Variants in ARHGEF28 observed in about 807,000 individuals in gnomAD.
ARHGEF28 encodes 190 kDa guanine nucleotide exchange factor.
Under a neutral mutation model 206.6 loss-of-function variants are expected in ARHGEF28, and 152 were observed. That is an observed-to-expected ratio of 0.74 (90% confidence interval 0.64 to 0.84). The LOEUF (loss-of-function observed/expected upper bound fraction) is 0.84. Ranked by LOEUF, ARHGEF28 falls within the 40% of genes least tolerant of loss-of-function variation. The pLI is 0.00. For synonymous variants in ARHGEF28, 763 were observed against 776.4 expected (o/e 0.98, Z 0.29); for missense variants, 2,028 against 2,073.2 (o/e 0.98, Z 0.42).
intron 35 of ARHGEF28, among the ~76,000 whole-genome samples, chr5:73,936,541 T>C (rs1474123975): frequency 6.6e-6 from 1 of 152,194 alleles, no homozygotes; most frequent in East Asian, 1.9e-4. Context: ...TGAGCCCAAA[T>C]ACAACTGTAA....
chr5:73,892,347 C>A (rs1456562597), intron 27 of ARHGEF28, 117 bp downstream of exon 27: 6 of 1,150,580 alleles, frequency 5.2e-6, no homozygotes, highest in African/African-American at 1.6e-5. Context: ...TGCCCCCTGC[C>A]CCCTGCACCT....
intron 29 of ARHGEF28, among the ~76,000 whole-genome samples, 180 bp from the exon 30 acceptor site, chr5:73,897,782 G>A (rs1290111570): frequency 6.6e-6 from 1 of 152,222 alleles, no homozygotes; most frequent in Non-Finnish European, 1.5e-5. Context: ...TGTGTGGTGT[G>A]CGCGCGTGCG....
chr5:73,762,775 C>A (rs1752678631), intron 4 of ARHGEF28, among the ~76,000 whole-genome samples: 1 of 152,004 alleles, frequency 6.6e-6, no homozygotes, highest in Admixed American at 6.6e-5. Context: ...TTCAAGCCAT[C>A]CTTTGTATAA....
intron 2 of ARHGEF28, among the ~76,000 whole-genome samples, chr5:73,743,895 A>G (rs550688051): frequency 1.5e-3 from 225 of 152,290 alleles, no homozygotes; most frequent in Middle Eastern, 6.8e-3. Context: ...TAAGTCACTA[A>G]ATATTCGTGC....
At chr5:73,671,693 A>ATT in intron 1 of ARHGEF28, among the ~76,000 whole-genome samples, 2 of 89,060 alleles carry the variant, frequency 2.2e-5, no homozygotes, top group Admixed American at 1.5e-4. Context: ...ATTGAACTTG[A>ATT]TTATATATAT....
In ARHGEF28 at chr5:73,685,726, G is replaced by A. The variant is rs535706681; in HGVS notation, c.33+842G>A. The stretch of plus-strand genomic sequence containing the variant: ...CAAACTCCGCCTCCCAGGTTCAAGC[G>A]ATTCCCCTGCCTCAGCCTCCCAAGT... On this transcript the variant is annotated intron_variant, in intron 2 of 35. Coordinates refer to ENST00000513042, the MANE Select transcript of ARHGEF28 (RefSeq NM_001177693.2). Among the ~76,000 whole-genome samples, 27 of 152,190 alleles carry A rather than the reference G, an allele frequency of 1.8e-4. No homozygotes were observed. In the South Asian group the frequency reaches 5.4e-3, roughly 30 times the overall value.
chr5:73,941,220 C>A lies in ARHGEF28; in HGVS notation c.*207C>A, dbSNP rs944796226. On this transcript the variant is annotated 3_prime_UTR_variant, in exon 36 of 36. Coordinates refer to ENST00000513042, the MANE Select transcript of ARHGEF28 (RefSeq NM_001177693.2). ...TTGTATAATCTTTAACTTATCAAAT[C>A]TAATTTCAGATTTCTGGAGGAGAAA... 7 of 303,546 alleles carry A rather than the reference C, an allele frequency of 2.3e-5. No homozygotes were observed. The highest frequency in any genetic ancestry group is 1.5e-4 in the African/African-American group (7 of 46,052). The allele number at this position is 303,546 out of a possible 1,614,324, so 18.8% of individuals were successfully genotyped here. A position where few individuals can be genotyped will look rare whatever the true frequency, so the allele number is the denominator to read the frequency against.
chr5:73,866,073 C>A, intron 18 of ARHGEF28, 60 bp downstream of exon 18: 1 of 1,297,616 alleles, frequency 7.7e-7, no homozygotes. Context: ...ATACATTTTT[C>A]CATTATAAAA....
intron 1 of ARHGEF28, among the ~76,000 whole-genome samples, chr5:73,684,377 T>C (rs940889017): frequency 1.3e-5 from 2 of 152,246 alleles, no homozygotes; most frequent in Non-Finnish European, 2.9e-5. Flanking sequence ...TCTTTAAGGC[T>C]CATTCGTGTT....
At chr5:73,683,805 T>A (rs1392461465) in intron 1 of ARHGEF28, among the ~76,000 whole-genome samples, 5 of 152,212 alleles carry the variant, frequency 3.3e-5, no homozygotes, top group Non-Finnish European at 7.3e-5. Context: ...AAGTGGACTC[T>A]GACTTTGGAA....
At chr5:73,707,113 G>A (rs532219640) in intron 2 of ARHGEF28, among the ~76,000 whole-genome samples, 1 of 152,150 alleles carries the variant, frequency 6.6e-6, no homozygotes, top group Non-Finnish European at 1.5e-5. Context: ...CCCTTGGACT[G>A]TGTGGCTGCC....
chr5:73,842,797 A>G (rs1758065678), intron 11 of ARHGEF28, among the ~76,000 whole-genome samples: 1 of 152,130 alleles, frequency 6.6e-6, no homozygotes, highest in African/African-American at 2.4e-5. Context: ...TAGGCGGCCA[A>G]CACGGTGAAA....
At chr5:73,903,995 C>A (rs1219888055) in intron 31 of ARHGEF28, 3 of 538,896 alleles carry the variant, frequency 5.6e-6, no homozygotes, top group Non-Finnish European at 9.8e-6. Context: ...GTGAAAATTG[C>A]CATCCATCTC....
chr5:73,783,397 TGC>T (rs753539340), intron 7 of ARHGEF28, among the ~76,000 whole-genome samples: 3 of 150,680 alleles, frequency 2.0e-5, no homozygotes, highest in Non-Finnish European at 3.0e-5. Flanking sequence ...TGTGTGTGTG[TGC>T]GCGCTTCTGT....
chr5:73,861,303 A>G (rs1759386212), intron 16 of ARHGEF28, among the ~76,000 whole-genome samples: 1 of 152,056 alleles, frequency 6.6e-6, no homozygotes, highest in Non-Finnish European at 1.5e-5. Context: ...AATATCTAGG[A>G]TACATTTAGC....
chr5:73,706,940 G>GA (rs1200853881), intron 2 of ARHGEF28, among the ~76,000 whole-genome samples: 2 of 152,202 alleles, frequency 1.3e-5, no homozygotes, highest in Non-Finnish European at 2.9e-5. Flanking sequence ...GCTGTTTAGT[G>GA]AATAGGGGTA....
intron 4 of ARHGEF28, among the ~76,000 whole-genome samples, chr5:73,760,799 G>A (rs879528576): frequency 2.6e-5 from 4 of 152,128 alleles, no homozygotes; most frequent in Non-Finnish European, 4.4e-5. Flanking sequence ...CCAATCATTT[G>A]AATTCATTTT....
chr5:73,839,475 T>A (rs1431173360), intron 10 of ARHGEF28, among the ~76,000 whole-genome samples: 2 of 152,206 alleles, frequency 1.3e-5, no homozygotes, highest in African/African-American at 4.8e-5. Flanking sequence ...CTGTCCTCAC[T>A]CCAGACTTGA....
chr5:73,840,376 C>A, intron 10 of ARHGEF28, 104 bp from the exon 11 acceptor site: 2 of 1,194,644 alleles, frequency 1.7e-6, no homozygotes, highest in Non-Finnish European at 2.3e-6. Flanking sequence ...CGGCCTCCTA[C>A]CACGCCTGGC....
Sources: allele counts gnomAD v4.1 joint callset (sites outside exome capture counted in the v4.1 genomes callset), GRCh38; gene constraint gnomAD v4.1.1; transcripts MANE v1.5; gene names NCBI Gene and HGNC (gene_info 2026-07-23, HGNC 2026-07-21).